LPIN2: variants seen among roughly 807,000 people sequenced by gnomAD.
LPIN2 encodes phosphatidate phosphatase LPIN2.
LPIN2 carries 55 observed loss-of-function variants against 111.4 expected under a neutral mutation model. The observed-to-expected ratio is 0.49, with a 90% CI of 0.40 to 0.62. The LOEUF (loss-of-function observed/expected upper bound fraction) is 0.62. Among genes scored for constraint, LPIN2 ranks in the 20% least tolerant of loss-of-function variants. LPIN2 has a pLI of 0.00. For missense variants in LPIN2, 992 were observed against 1,112.1 expected (o/e 0.89, Z 1.54); for synonymous variants, 425 against 414.0 (o/e 1.03, Z -0.32).
At position 2,934,470 on chromosome 18, in the gene LPIN2, G is replaced by C; in HGVS notation, c.1169-20C>G. ...GAACACCTGTTTAAAAAAAAAATCA[G>C]AGGTAAGAATTTAGTTATTCTTCAT... On this transcript the variant is annotated intron_variant, in intron 7 of 19. Coordinates refer to ENST00000677752, the MANE Select transcript of LPIN2 (RefSeq NM_001375808.2). 1 of 1,507,486 alleles carries C rather than the reference G, an allele frequency of 6.6e-7. No homozygotes were observed. Among genetic ancestry groups the C allele is most frequent in the Non-Finnish European group, 9.2e-7 (1 of 1,083,924 alleles). The allele number at this position is 1,507,486 out of a possible 1,614,324, so 93.4% of individuals were successfully genotyped here. A position where few individuals can be genotyped will look rare whatever the true frequency, so the allele number is the denominator to read the frequency against.
chr18:3,005,690 C>T (rs1376914017), intron 1 of LPIN2, among the ~76,000 whole-genome samples: 4 of 150,904 alleles, frequency 2.7e-5, no homozygotes, highest in Non-Finnish European at 5.9e-5. Context: ...CACACACACA[C>T]ACACACACAC....
intron 7 of LPIN2, among the ~76,000 whole-genome samples, chr18:2,936,668 C>T (rs1204369365): frequency 6.6e-6 from 1 of 152,178 alleles, no homozygotes; most frequent in Non-Finnish European, 1.5e-5. Flanking sequence ...GCAACCTCTG[C>T]CCCAGGGCTC....
chr18:2,940,472 T>C (rs2077353521), intron 5 of LPIN2, 133 bp downstream of exon 5: 1 of 626,872 alleles, frequency 1.6e-6, no homozygotes, highest in South Asian at 1.9e-5. Context: ...TTCATATTTA[T>C]GTTACAAGTA....
intron 3 of LPIN2, among the ~76,000 whole-genome samples, chr18:2,951,584 T>A (rs2077538270): frequency 6.6e-6 from 1 of 151,990 alleles, no homozygotes; most frequent in African/African-American, 2.4e-5. Context: ...TGTAACTGAG[T>A]CCATCTGAAG....
chr18:2,970,260 G>C (rs574541673), intron 1 of LPIN2, among the ~76,000 whole-genome samples: 1 of 152,356 alleles, frequency 6.6e-6, no homozygotes, highest in South Asian at 2.1e-4. Flanking sequence ...TGATTTCAGT[G>C]CTCAGAGAGG....
intron 1 of LPIN2, among the ~76,000 whole-genome samples, chr18:3,002,013 G>A (rs1317572147): frequency 2.0e-5 from 3 of 151,930 alleles, no homozygotes; most frequent in Admixed American, 2.0e-4. Flanking sequence ...TGACCTGTAG[G>A]TATGTCTCAT....
intron 2 of LPIN2, among the ~76,000 whole-genome samples, chr18:2,959,065 A>T (rs1161909390): frequency 6.6e-6 from 1 of 151,590 alleles, no homozygotes; most frequent in Non-Finnish European, 1.5e-5. Context: ...TGTTACCACA[A>T]AGAAAGAAAA....
chr18:2,976,918 C>A (rs770187115), intron 1 of LPIN2, among the ~76,000 whole-genome samples: 1 of 152,098 alleles, frequency 6.6e-6, no homozygotes, highest in African/African-American at 2.4e-5. Context: ...TAATCACAAA[C>A]AGCTGGGGCT....
chr18:2,926,654 C>G, intron 13 of LPIN2, 69 bp downstream of exon 13: 1 of 1,385,270 alleles, frequency 7.2e-7, no homozygotes, highest in Non-Finnish European at 1.0e-6. Context: ...CTGCCAAAAT[C>G]AACTTAGAAG....
intron 1 of LPIN2, among the ~76,000 whole-genome samples, chr18:3,012,622 C>G (rs964530653): frequency 5.3e-5 from 8 of 152,200 alleles, no homozygotes; most frequent in Admixed American, 3.3e-4. Context: ...CCGCAGATCA[C>G]GTGCCCGGCG....
At chr18:2,934,593 T>C in intron 7 of LPIN2, 143 bp from the exon 8 acceptor site, 1 of 665,668 alleles carries the variant, frequency 1.5e-6, no homozygotes, top group South Asian at 1.6e-5. Context: ...CCAGCCTTTT[T>C]ACTTAGGTTG....
Position 2,951,278 on chromosome 18 carries a change from C to G in LPIN2, c.367G>C (p.Val123Leu), listed in dbSNP as rs777511827. The change falls in exon 4 of 20, where the codon GTG (valine) becomes CTG (leucine). Residue 123 changes from valine to leucine, a missense_variant. Physicochemically the swap from Val to Leu is conservative, Grantham distance 32. Transcript: ENST00000677752. ...GGTGTTTCATCTCCACCCGATTTCACCAAAGGGGTGTCAATATCTTTAAAG... is the reference window on the plus strand; with the variant it reads ...GGTGTTTCATCTCCACCCGATTTCAGCAAAGGGGTGTCAATATCTTTAAAG... The part of the protein sequence containing the change: ...QFFKDIDTPL[V>L]KSGGDETPSQ... 6.2e-6 allele frequency: 10 copies of G among 1,613,866 alleles called. No individual in the cohort carries two copies. Among genetic ancestry groups the G allele is most frequent in the Admixed American group, 1.7e-5 (1 of 59,980 alleles).
intron 4 of LPIN2, chr18:2,950,163 A>G (rs1282524579): frequency 1.3e-5 from 2 of 152,216 alleles, no homozygotes; most frequent in East Asian, 1.9e-4. Context: ...AAAACAAAAG[A>G]TTGGCAAATA....
intron 2 of LPIN2, among the ~76,000 whole-genome samples, chr18:2,956,512 G>C (rs965982390): frequency 6.6e-6 from 1 of 152,214 alleles, no homozygotes; most frequent in Non-Finnish European, 1.5e-5. Flanking sequence ...AGCTGAGGCA[G>C]GGAAAGTAGC....
At chr18:3,002,822 A>G (rs1243045021) in intron 1 of LPIN2, among the ~76,000 whole-genome samples, 1 of 152,228 alleles carries the variant, frequency 6.6e-6, no homozygotes, top group East Asian at 1.9e-4. Flanking sequence ...CAATCGCTCA[A>G]GCAGTACTCC....
chr18:2,931,248 C>T lies in LPIN2; in HGVS notation c.1456+8G>A. On this transcript the variant is annotated splice_region_variant and intron_variant, in intron 9 of 19. Coordinates refer to ENST00000677752, the MANE Select transcript of LPIN2 (RefSeq NM_001375808.2). The stretch of plus-strand genomic sequence containing the variant: ...GAAATGAAGATGGGGCACAAACACC[C>T]AACGTACCTTTTGAAATTTCTCCAT... 1 of 1,613,936 alleles carries T rather than the reference C, an allele frequency of 6.2e-7. No homozygotes were observed. The highest frequency in any genetic ancestry group is 8.5e-7 in the Non-Finnish European group (1 of 1,179,940).
intron 3 of LPIN2, 118 bp downstream of exon 3, chr18:2,954,386 T>C: frequency 1.4e-6 from 1 of 732,898 alleles, no homozygotes; most frequent in Non-Finnish European, 2.4e-6. Flanking sequence ...AAAGCTTGTC[T>C]TGCCAACAAC....
intron 5 of LPIN2, among the ~76,000 whole-genome samples, chr18:2,940,026 T>C (rs2077347291): frequency 6.6e-6 from 1 of 152,212 alleles, no homozygotes; most frequent in African/African-American, 2.4e-5. Flanking sequence ...AAGATGAGAA[T>C]TTTTAAGAAT....
intron 2 of LPIN2, among the ~76,000 whole-genome samples, chr18:2,958,330 G>A (rs954574671): frequency 2.0e-5 from 3 of 151,772 alleles, no homozygotes; most frequent in Admixed American, 6.6e-5. Flanking sequence ...AAACAATTAC[G>A]TATCAATGGC....
Sources: allele counts gnomAD v4.1 joint callset (sites outside exome capture counted in the v4.1 genomes callset), GRCh38; gene constraint gnomAD v4.1.1; transcripts MANE v1.5; gene names NCBI Gene and HGNC (gene_info 2026-07-23, HGNC 2026-07-21).